The following USP13 variants were observed in gnomAD, a reference collection of about 807,000 sequenced individuals.
The protein encoded by USP13 is ubiquitin carboxyl-terminal hydrolase 13.
In USP13, 68 loss-of-function variants were observed where a neutral mutation model predicts 107.8. That is an observed-to-expected ratio of 0.63 (90% CI 0.52 to 0.77). The LOEUF is 0.77. Ranked by LOEUF, USP13 falls within the 30% of genes least tolerant of loss-of-function variation. The pLI, the probability that USP13 is intolerant of heterozygous loss-of-function variation, is 0.00. For missense variants in USP13, 945 were observed against 1,093.3 expected, an observed-to-expected ratio of 0.86 and a Z score of 1.91; for synonymous variants, 377 against 389.5, an observed-to-expected ratio of 0.97 and a Z score of 0.38.
chr3:179,721,454 A>G lies in USP13; in HGVS notation c.953A>G (p.Glu318Gly), dbSNP rs1401333693. The G allele has an allele frequency of 6.2e-7, 1 of 1,614,128 alleles. No homozygotes were observed. Among genetic ancestry groups the G allele is most frequent in the Non-Finnish European group, 8.5e-7 (1 of 1,179,996 alleles). ...NDIKLRVSEWEVIQESGTKLK... is the reference protein window; with the variant it reads ...NDIKLRVSEWGVIQESGTKLK... ...ATCAAGCTGAGGGTCAGTGAGTGGG[A>G]AGTGATCCAGGAGTCGGGCACGAAA... The change falls in exon 8 of 21, where the codon GAA becomes GGA. Residue 318 changes from glutamate to glycine, a missense_variant. Physicochemically the swap from Glu to Gly is moderately conservative, Grantham distance 98. Transcript: ENST00000263966. This position sits in a 1 kb window ranked among gnomAD's most constrained non-coding sequence, Gnocchi z 4.3.
chr3:179,760,860 G>A (rs1300921540), intron 16 of USP13, among the ~76,000 whole-genome samples: 1 of 152,190 alleles, frequency 6.6e-6, no homozygotes, highest in African/African-American at 2.4e-5. Context: ...TGAAATTAGA[G>A]AATCGTTTTT....
intron 8 of USP13, among the ~76,000 whole-genome samples, chr3:179,722,748 T>A (rs531498940): frequency 1.3e-5 from 2 of 152,242 alleles, no homozygotes; most frequent in African/African-American, 4.8e-5. Flanking sequence ...ATTCTACTTA[T>A]ACTTTTTTAC....
intron 19 of USP13, among the ~76,000 whole-genome samples, chr3:179,776,211 GTT>G (rs915666084): frequency 5.3e-5 from 8 of 152,070 alleles, no homozygotes; most frequent in African/African-American, 1.9e-4. Flanking sequence ...CATGTTTCAG[GTT>G]TTGTGGGCCA....
chr3:179,680,196 AC>A (rs2108452141), intron 1 of USP13, among the ~76,000 whole-genome samples: 1 of 151,928 alleles, frequency 6.6e-6, no homozygotes, highest in East Asian at 1.9e-4. Flanking sequence ...AACAACAACA[AC>A]AACAAAAAGA....
At chr3:179,731,545 A>G (rs913419029) in intron 10 of USP13, among the ~76,000 whole-genome samples, 8 of 152,128 alleles carry the variant, frequency 5.3e-5, no homozygotes, top group African/African-American at 1.7e-4. Context: ...CAAGTAGGAG[A>G]AACTCCGTGG....
chr3:179,764,540 G>A (rs893557558), intron 18 of USP13, among the ~76,000 whole-genome samples: 1 of 152,084 alleles, frequency 6.6e-6, no homozygotes, highest in African/African-American at 2.4e-5. Context: ...GAGATAGAAT[G>A]CTTTTCTGAT....
chr3:179,681,849 G>C, intron 1 of USP13, 29 bp from the exon 2 acceptor site: 1 of 1,602,828 alleles, frequency 6.2e-7, no homozygotes, highest in South Asian at 1.1e-5. Context: ...AGGTGTCGTC[G>C]GCTAATGTAC....
chr3:179,725,457 G>C (rs373575354), intron 8 of USP13, among the ~76,000 whole-genome samples: 1 of 152,166 alleles, frequency 6.6e-6, no homozygotes, highest in African/African-American at 2.4e-5. Context: ...TTTGTCCTTT[G>C]AATGGGACTG....
At chr3:179,705,436 C>T (rs535765662) in intron 4 of USP13, among the ~76,000 whole-genome samples, 1 of 152,310 alleles carries the variant, frequency 6.6e-6, no homozygotes, top group Admixed American at 6.5e-5. Context: ...CCAGCGCTTC[C>T]TCCATGCTCC....
rs1211296333 is a variant in USP13, at chr3:179,742,154, CA to C, written c.1381-41del. The stretch of plus-strand genomic sequence containing the variant: ...CATTTTCTACTAAGTCTTAGTGGCT[CA>C]ATATTCATACATTTACTAACCTGAT... On this transcript the variant is annotated intron_variant, in intron 11 of 20. Transcript: ENST00000263966. The surrounding 1 kb of genome is among the most constrained non-coding windows in gnomAD (Gnocchi z 5.0). 6 of 1,611,762 alleles carry C rather than the reference CA, an allele frequency of 3.7e-6. No homozygotes were observed. The highest frequency in any genetic ancestry group is 4.2e-6 in the Non-Finnish European group (5 of 1,178,282).
chr3:179,716,723 A>G (rs1292619049), intron 6 of USP13, among the ~76,000 whole-genome samples: 1 of 152,222 alleles, frequency 6.6e-6, no homozygotes, highest in Non-Finnish European at 1.5e-5. Context: ...CTTCTCATTC[A>G]GAGATTACAA....
At chr3:179,760,995 A>T in intron 16 of USP13, 117 bp from the exon 17 acceptor site, 1 of 1,273,588 alleles carries the variant, frequency 7.9e-7, no homozygotes, top group Non-Finnish European at 1.1e-6. Context: ...ACCATTATCT[A>T]CACCCAACAG....
chr3:179,783,843 A>G (rs1715828625), intron 20 of USP13, among the ~76,000 whole-genome samples: 1 of 149,272 alleles, frequency 6.7e-6, no homozygotes, highest in Non-Finnish European at 1.5e-5. Context: ...TGGGGAATAG[A>G]ATGAGGCCTT....
At chr3:179,666,779 C>G (rs995809495) in intron 1 of USP13, among the ~76,000 whole-genome samples, 1 of 152,168 alleles carries the variant, frequency 6.6e-6, no homozygotes, top group Non-Finnish European at 1.5e-5. Flanking sequence ...CCCAAGCCCC[C>G]ACGAGAGCAT....
intron 16 of USP13, 42 bp downstream of exon 16, chr3:179,757,120 T>G (rs765306273): frequency 8.1e-6 from 13 of 1,599,430 alleles, no homozygotes; most frequent in Non-Finnish European, 1.1e-5. Context: ...CTACTGTTGT[T>G]ATTAATCTGA....
intron 1 of USP13, among the ~76,000 whole-genome samples, chr3:179,655,017 A>C (rs565848761): frequency 6.6e-6 from 1 of 152,266 alleles, no homozygotes; most frequent in South Asian, 2.1e-4. Context: ...AAATTATTTG[A>C]AAATGCCATT....
intron 8 of USP13, among the ~76,000 whole-genome samples, chr3:179,728,211 ACCTC>A (rs1713631857): frequency 7.3e-6 from 1 of 137,730 alleles, no homozygotes; most frequent in Admixed American, 7.2e-5. Flanking sequence ...TGACCCCCCC[ACCTC>A]CCTGCCAGAC....
chr3:179,673,324 A>G (rs1460403548), intron 1 of USP13, among the ~76,000 whole-genome samples: 2 of 152,196 alleles, frequency 1.3e-5, no homozygotes, highest in Admixed American at 1.3e-4. Context: ...CATTCATCCT[A>G]CAAAAGTTTG....
At chr3:179,710,616 T>C (rs1413908789) in intron 6 of USP13, among the ~76,000 whole-genome samples, 2 of 152,208 alleles carry the variant, frequency 1.3e-5, no homozygotes, top group African/African-American at 4.8e-5. Flanking sequence ...AACCAACTGG[T>C]ATATAAGCAT....
Sources: gnomAD v4.1 joint callset for allele counts (sites outside exome capture counted in the v4.1 genomes callset) on GRCh38, gnomAD v4.1.1 for gene constraint, Gnocchi (gnomAD v3.1) non-coding constraint, MANE v1.5 for transcripts, NCBI Gene and HGNC (gene_info 2026-07-23, HGNC 2026-07-21) for gene names.